The following MSR1 variants were observed in gnomAD, a reference collection of about 807,000 sequenced individuals.
MSR1 encodes the protein macrophage scavenger receptor types I and II.
In MSR1, 53 loss-of-function variants were observed where a neutral mutation model predicts 47.2. That is an observed-to-expected ratio of 1.12 (90% CI 0.90 to 1.41). The LOEUF (loss-of-function observed/expected upper bound fraction) is 1.41, where lower values mean the gene tolerates loss of function less well. Ranked by LOEUF, MSR1 falls within the 40% of genes most tolerant of loss-of-function variation. The pLI is 0.00. For synonymous variants in MSR1, 239 were observed against 185.6 expected (o/e 1.29, Z -2.34); for missense variants, 786 against 546.9 (o/e 1.44, Z -4.36).
chr8:16,154,023 G>T (rs998424976), intron 6 of MSR1, among the ~76,000 whole-genome samples: 2 of 151,618 alleles, frequency 1.3e-5, no homozygotes, highest in South Asian at 4.2e-4. Context: ...ATGTGTACCT[G>T]GATGTATATC....
intron 5 of MSR1, among the ~76,000 whole-genome samples, chr8:16,157,527 A>G (rs1210628368): frequency 6.6e-6 from 1 of 151,934 alleles, no homozygotes; most frequent in Non-Finnish European, 1.5e-5. Flanking sequence ...TCTATTCTTC[A>G]TGTAACATTA....
intron 8 of MSR1, among the ~76,000 whole-genome samples, chr8:16,125,482 T>C (rs1170843419): frequency 6.6e-6 from 1 of 152,182 alleles, no homozygotes; most frequent in African/African-American, 2.4e-5. Context: ...GCTGATTCAT[T>C]GAATGTTCAT....
chr8:16,125,608 A>G (rs1800111007), intron 8 of MSR1, among the ~76,000 whole-genome samples: 1 of 152,142 alleles, frequency 6.6e-6, no homozygotes, highest in African/African-American at 2.4e-5. Flanking sequence ...TTTAGGAAAG[A>G]ACTGGGACAT....
At chr8:16,149,886 A>C (rs351554) in intron 7 of MSR1, among the ~76,000 whole-genome samples, 42,859 of 151,122 alleles carry the variant, frequency 0.28, 9,041 homozygotes, top group African/African-American at 0.55. Flanking sequence ...TATCATTGTT[A>C]GTGATGATTT....
chr8:16,191,742 C>G (rs1168643763), intron 1 of MSR1, among the ~76,000 whole-genome samples: 1 of 152,106 alleles, frequency 6.6e-6, no homozygotes, highest in African/African-American at 2.4e-5. Context: ...CTGCATAAAA[C>G]ATCTGTAATC....
rs564429321 is a variant in MSR1 at position 16,147,297 on chromosome 8, C to T, written c.979+2934G>A. Among the ~76,000 whole-genome samples, 30 of 152,076 alleles carry T rather than the reference C, an allele frequency of 2.0e-4. 1 individual carries two copies. Among genetic ancestry groups the T allele is most frequent in the Non-Finnish European group, 3.8e-4 (26 of 67,980 alleles). On this transcript the variant is annotated intron_variant, in intron 7 of 9. Transcript: ENST00000262101. ...GTGTATCTTTTCAGTTGTAGACTGT[C>T]TTATTCACCCTTCATTTCCCTGTTT...
intron 8 of MSR1, among the ~76,000 whole-genome samples, chr8:16,128,346 A>G (rs991884463): frequency 7.2e-5 from 11 of 152,184 alleles, no homozygotes; most frequent in Admixed American, 3.3e-4. Context: ...CAATTAGGTC[A>G]TAAGGGCAGA....
chr8:16,172,520 A>G (rs1398850546), intron 3 of MSR1, among the ~76,000 whole-genome samples: 1 of 152,140 alleles, frequency 6.6e-6, no homozygotes, highest in Non-Finnish European at 1.5e-5. Context: ...TCACATATGA[A>G]AGGAGACAGA....
chr8:16,150,276 C>T lies in MSR1; in HGVS notation c.934G>A (p.Gly312Ser), dbSNP rs762477029. ...PGLKGDRGAI[G>S]FPGSRGLPGY... The stretch of plus-strand genomic sequence containing the variant: ...GGGAGTCCTCGACTTCCAGGAAAGC[C>T]AATTGCTCCCCGATCACCTTTAAGA... Residue 312 changes from glycine (G) to serine (S), a missense_variant, in exon 7 of 10, where the codon GGC (glycine) becomes AGC (serine). Physicochemically the swap from Gly to Ser is moderately conservative, Grantham distance 56. Coordinates refer to ENST00000262101, the MANE Select transcript of MSR1 (RefSeq NM_138715.3). 2 of 1,568,642 alleles carry T rather than the reference C, an allele frequency of 1.3e-6. No individual in the cohort carries two copies. The highest frequency in any genetic ancestry group is 1.2e-5 in the South Asian group (1 of 84,344).
In MSR1 at chr8:16,110,174, C is replaced by G. The variant is rs1563134936; in HGVS notation, c.1267G>C (p.Glu423Gln). The change falls in exon 10 of 10, where the codon GAA becomes CAA. Residue 423 changes from glutamate to glutamine, a missense_variant. Glu to Gln is a conservative substitution (Grantham distance 29). Transcript: ENST00000262101. ...WLNEVFCFGR[E>Q]SSIEECKIRQ... Reference sequence around the variant, plus strand: ...ATTTTACATTCTTCAATAGATGATTCTCTCCCAAAACAAAACACTTCATTC... The same window carrying G: ...ATTTTACATTCTTCAATAGATGATTGTCTCCCAAAACAAAACACTTCATTC... 1.9e-6 allele frequency: 3 copies of G among 1,613,664 alleles called. No homozygotes were observed. The highest frequency in any genetic ancestry group is 2.5e-6 in the Non-Finnish European group (3 of 1,179,678).
At chr8:16,184,466 C>T (rs1801935477) in intron 1 of MSR1, among the ~76,000 whole-genome samples, 1 of 152,116 alleles carries the variant, frequency 6.6e-6, no homozygotes, top group Non-Finnish European at 1.5e-5. Flanking sequence ...TGGTAGTACA[C>T]TATTTATGCT....
chr8:16,186,143 A>C, intron 1 of MSR1: 1 of 1,529,588 alleles, frequency 6.5e-7, no homozygotes, highest in Non-Finnish European at 8.8e-7. Flanking sequence ...CATAAATGAA[A>C]GTTGTTCATG....
chr8:16,150,162 A>ATATATATATATATATATATATG (rs1800813205), intron 7 of MSR1, 69 bp downstream of exon 7: 2 of 277,816 alleles, frequency 7.2e-6, no homozygotes, highest in African/African-American at 4.8e-5. Flanking sequence ...ATATATATAT[A>ATATATATATATATATATATATG]TATATATATA....
At chr8:16,140,835 G>C in intron 8 of MSR1, 1 of 1,561,288 alleles carries the variant, frequency 6.4e-7, no homozygotes, top group Non-Finnish European at 8.6e-7. Flanking sequence ...CAGCACCAGG[G>C]ACCAGGAGAG....
chr8:16,154,785 A>G (rs351540), intron 6 of MSR1, among the ~76,000 whole-genome samples: 30,158 of 151,888 alleles, frequency 0.2, 5,346 homozygotes, highest in African/African-American at 0.45. Flanking sequence ...CTAGACTTAC[A>G]AACAATTCCA....
intron 8 of MSR1, chr8:16,120,908 A>C (rs1799989794): frequency 2.5e-6 from 1 of 399,780 alleles, no homozygotes. Context: ...TGACAGATAC[A>C]AGTTTATTGT....
At position 16,117,659 on chromosome 8, in the gene MSR1, A is replaced by G. The variant is rs145969274; in HGVS notation, c.1222+2759T>C. On this transcript the variant is annotated intron_variant, in intron 9 of 9. Coordinates refer to ENST00000262101, the MANE Select transcript of MSR1 (RefSeq NM_138715.3). ...TGAAAAGCCTGCTTCCATTTCCAAC[A>G]TGCTATCTTAGTGAAGCAGGGTTTT... Among the ~76,000 whole-genome samples, 106 of 152,228 alleles carry G rather than the reference A, an allele frequency of 7.0e-4. 1 individual carries two copies. In the Middle Eastern group the frequency reaches 0.01, roughly 15 times the overall value.
chr8:16,133,120 A>T (rs1211559561), intron 8 of MSR1, among the ~76,000 whole-genome samples: 1 of 152,170 alleles, frequency 6.6e-6, no homozygotes, highest in African/African-American at 2.4e-5. Flanking sequence ...AGATTAAAAC[A>T]GTTTGTGGAA....
intron 8 of MSR1, chr8:16,140,173 A>AAG: frequency 1.0e-6 from 1 of 985,204 alleles, no homozygotes; most frequent in Non-Finnish European, 1.2e-6. Context: ...CATATTATCA[A>AAG]TACTCATGAC....
Sources: allele counts gnomAD v4.1 joint callset (sites outside exome capture counted in the v4.1 genomes callset), GRCh38; gene constraint gnomAD v4.1.1; transcripts MANE v1.5; gene names NCBI Gene and HGNC (gene_info 2026-07-23, HGNC 2026-07-21).